Variants in HERC1 observed in about 807,000 individuals in gnomAD.
HERC1 encodes probable E3 ubiquitin-protein ligase HERC1.
Under a neutral mutation model 554.3 loss-of-function variants are expected in HERC1, and 160 were observed. That is an observed-to-expected ratio of 0.29 (90% CI 0.25 to 0.33). The LOEUF (loss-of-function observed/expected upper bound fraction) is 0.33, where lower values mean the gene tolerates loss of function less well. Among genes scored for constraint, HERC1 ranks in the 10% least tolerant of loss-of-function variants. The pLI is 1.00. For synonymous variants in HERC1, 2,175 were observed against 2,131.7 expected (o/e 1.02, Z -0.56); for missense variants, 4,919 against 5,918.5 (o/e 0.83, Z 5.54).
chr15:63,625,923 T>C (rs764966855), intron 71 of HERC1, 62 bp downstream of exon 71: 3 of 1,525,652 alleles, frequency 2.0e-6, no homozygotes, highest in Non-Finnish European at 1.8e-6. Context: ...CTGGCGAGCA[T>C]GTCACGGGCA....
intron 57 of HERC1, 75 bp from the exon 58 acceptor site, chr15:63,643,625 G>A: frequency 8.8e-7 from 1 of 1,136,348 alleles, no homozygotes; most frequent in Non-Finnish European, 1.2e-6. Context: ...ATTCACTCTT[G>A]GAAATTTTAT....
chr15:63,663,107 T>C lies in HERC1; in HGVS notation c.8778A>G (p.Leu2926=). The C allele has an allele frequency of 6.2e-7, 1 of 1,614,008 alleles. No homozygotes were observed. Among genetic ancestry groups the C allele is most frequent in the Non-Finnish European group, 8.5e-7 (1 of 1,179,868 alleles). The change falls in exon 44 of 78, where the codon TTA becomes TTG. Residue 2926 remains leucine (L), a synonymous_variant. Transcript: ENST00000443617. The part of the protein sequence containing the change: ...QDPGALYDFN[L]DEELEIDLDD... ...CAAGATCAATTTCCAATTCCTCATC[T>C]AAATTAAAGTCATACAACGCCCCTG... is the stretch of plus-strand genomic sequence containing the variant.
chr15:63,824,056 G>A (rs918268267), intron 1 of HERC1, among the ~76,000 whole-genome samples: 2 of 152,030 alleles, frequency 1.3e-5, no homozygotes, highest in Non-Finnish European at 2.9e-5. Flanking sequence ...AATCATCAGG[G>A]AAACACAAAT....
At chr15:63,702,303 CA>C (rs750805252) in intron 25 of HERC1, among the ~76,000 whole-genome samples, 4 of 152,054 alleles carry the variant, frequency 2.6e-5, no homozygotes, top group Non-Finnish European at 5.9e-5. Context: ...AATGCACAGA[CA>C]AAATAGCATT....
At position 63,732,091 on chromosome 15, in the gene HERC1, C is replaced by T. The variant is rs1596094179; in HGVS notation, c.2868+833G>A. On this transcript the variant is annotated intron_variant, in intron 14 of 77. Transcript: ENST00000443617. ...ACCTCAGCTCACTTCAGCCTCTGCT[C>T]CCTGGTTCAAGCAACTCTCCCACCT... is the stretch of plus-strand genomic sequence containing the variant. Among the ~76,000 whole-genome samples the T allele has an allele frequency of 3.3e-5, 5 of 152,100 alleles. 1 individual carries two copies. The South Asian group carries it at 1.0e-3, about 32-fold the overall frequency.
At chr15:63,736,949 G>A (rs908333779) in intron 12 of HERC1, among the ~76,000 whole-genome samples, 1 of 151,944 alleles carries the variant, frequency 6.6e-6, no homozygotes. Context: ...GAAGCCAAAG[G>A]TTATTAGAAA....
Position 63,727,556 on chromosome 15 carries a change from A to T in HERC1, c.3346+91T>A. 1.2e-6 allele frequency: 1 copy of T among 851,750 alleles called. No homozygotes were observed. The highest frequency in any genetic ancestry group is 1.8e-6 in the Non-Finnish European group (1 of 550,962). 52.8% of individuals were successfully genotyped at this position (851,750 alleles called of 1,614,324 possible). A position where few individuals can be genotyped will look rare whatever the true frequency, so the allele number is the denominator to read the frequency against. The stretch of plus-strand genomic sequence containing the variant: ...GAAATTCCTTTGATAGCCTTAGGAT[A>T]GATAGACTCCAATGGAAAAACACAG... On this transcript the variant is annotated intron_variant, in intron 17 of 77. Transcript: ENST00000443617. This position sits in a 1 kb window ranked among gnomAD's most constrained non-coding sequence, Gnocchi z 4.3.
chr15:63,692,324 A>G lies in HERC1; in HGVS notation c.5830+87T>C, dbSNP rs2072158346. ...AAAAGCCTTCAAATCAAGGTTACAC[A>G]TGGAGTGTTGCTAAAGTCTGGCATT... is the stretch of plus-strand genomic sequence containing the variant. On this transcript the variant is annotated intron_variant, in intron 31 of 77. Transcript: ENST00000443617. This position sits in a 1 kb window ranked among gnomAD's most constrained non-coding sequence, Gnocchi z 4.7. 9.9e-7 allele frequency: 1 copy of G among 1,011,480 alleles called. No homozygotes were observed. The highest frequency in any genetic ancestry group is 1.4e-6 in the Non-Finnish European group (1 of 709,980). The allele number at this position is 1,011,480 out of a possible 1,614,324, so 62.7% of individuals were successfully genotyped here.
Position 63,625,916 on chromosome 15 carries a change from G to A in HERC1, c.13275+69C>T. The A allele has an allele frequency of 2.0e-6, 3 of 1,501,572 alleles. No homozygotes were observed. In the South Asian group the frequency reaches 3.6e-5, roughly 18 times the overall value. 93.0% of individuals were successfully genotyped at this position (1,501,572 alleles called of 1,614,324 possible). A position where few individuals can be genotyped will look rare whatever the true frequency, so the allele number is the denominator to read the frequency against. ...GCAGAGGGAAAGGCCCTGGGGCCTG[G>A]CGAGCATGTCACGGGCACTGCTTAC... On this transcript the variant is annotated intron_variant, in intron 71 of 77. Transcript: ENST00000443617.
intron 74 of HERC1, 54 bp from the exon 75 acceptor site, chr15:63,616,736 A>G (rs2067834448): frequency 2.1e-5 from 32 of 1,531,432 alleles, no homozygotes; most frequent in Non-Finnish European, 2.9e-5. Context: ...TCTATTAGAA[A>G]TAAGTTAGCA....
chr15:63,770,479 C>T (rs1003868315), intron 2 of HERC1, among the ~76,000 whole-genome samples: 2 of 152,192 alleles, frequency 1.3e-5, no homozygotes, highest in African/African-American at 4.8e-5. Context: ...CTAGCAGTAT[C>T]TGGCACAACA....
chr15:63,635,053 T>C, intron 65 of HERC1, 165 bp from the exon 66 acceptor site: 1 of 473,206 alleles, frequency 2.1e-6, no homozygotes, highest in South Asian at 3.2e-5. Context: ...TTAATTTTTT[T>C]TTAAATTTTA....
chr15:63,623,556 C>G (rs756646071), intron 73 of HERC1, among the ~76,000 whole-genome samples, 169 bp downstream of exon 73: 14 of 152,232 alleles, frequency 9.2e-5, no homozygotes, highest in Non-Finnish European at 2.1e-4. Flanking sequence ...GTTTCAAAAG[C>G]TGTTGCTCTA....
At chr15:63,761,222 C>A (rs560314975) in intron 3 of HERC1, among the ~76,000 whole-genome samples, 21 of 152,224 alleles carry the variant, frequency 1.4e-4, no homozygotes, top group African/African-American at 5.1e-4. Context: ...GACACTGACA[C>A]AGAGACTAGT....
chr15:63,722,075 G>A (rs2140532578), intron 19 of HERC1, among the ~76,000 whole-genome samples: 1 of 152,256 alleles, frequency 6.6e-6, no homozygotes, highest in South Asian at 2.1e-4. Context: ...ATGTTGGCCA[G>A]GCTGGTCTCA....
At chr15:63,724,424 A>G (rs2073951564) in intron 18 of HERC1, among the ~76,000 whole-genome samples, 1 of 152,226 alleles carries the variant, frequency 6.6e-6, no homozygotes, top group South Asian at 2.1e-4. Flanking sequence ...ATATTTGGAA[A>G]TGGAGGAAAA....
At chr15:63,753,580 A>C (rs1339993078) in intron 7 of HERC1, among the ~76,000 whole-genome samples, 3 of 152,186 alleles carry the variant, frequency 2.0e-5, no homozygotes, top group Admixed American at 2.0e-4. Flanking sequence ...CAACCACACC[A>C]GGAATAAAAA....
chr15:63,809,270 G>C (rs1302217919), intron 1 of HERC1, among the ~76,000 whole-genome samples: 1 of 152,098 alleles, frequency 6.6e-6, no homozygotes, highest in Non-Finnish European at 1.5e-5. Context: ...ATATTCTAAT[G>C]AACCAAGGGT....
At chr15:63,625,007 A>C (rs1441004687) in intron 71 of HERC1, among the ~76,000 whole-genome samples, 1 of 152,220 alleles carries the variant, frequency 6.6e-6, no homozygotes, top group Non-Finnish European at 1.5e-5. Context: ...TTTCTCAGTT[A>C]ACTTTACATT....
Sources: gnomAD v4.1 joint callset for allele counts (sites outside exome capture counted in the v4.1 genomes callset) on GRCh38, gnomAD v4.1.1 for gene constraint, Gnocchi (gnomAD v3.1) non-coding constraint, MANE v1.5 for transcripts, NCBI Gene and HGNC (gene_info 2026-07-23, HGNC 2026-07-21) for gene names.